The following CTTNBP2 variants were observed in gnomAD, a reference collection of about 807,000 sequenced individuals.
CTTNBP2 encodes cortactin binding protein 2, also known as cortactin-binding protein 2.
CTTNBP2 carries 108 observed loss-of-function variants against 156.9 expected under a neutral mutation model. That is an observed-to-expected ratio of 0.69 (90% CI 0.59 to 0.81). The LOEUF (loss-of-function observed/expected upper bound fraction) is 0.81, where lower values mean the gene tolerates loss of function less well. Ranked by LOEUF, CTTNBP2 falls within the 30% of genes least tolerant of loss-of-function variation. The pLI is 0.00. For synonymous variants in CTTNBP2, 767 were observed against 751.8 expected, an observed-to-expected ratio of 1.02 and a Z score of -0.33; for missense variants, 1,924 against 2,035.4, an observed-to-expected ratio of 0.95 and a Z score of 1.05.
At position 117,792,565 on chromosome 7, in the gene CTTNBP2, C is replaced by T. The variant is rs1459436677; in HGVS notation, c.631G>A (p.Glu211Lys). 1 of 1,614,170 alleles carries T rather than the reference C, an allele frequency of 6.2e-7. No individual in the cohort carries two copies. Among genetic ancestry groups the T allele is most frequent in the Admixed American group, 1.7e-5 (1 of 60,016 alleles). ...EEKKKTNELE[E>K]ELSAEKRRST... ...CTTCGTTTCTCAGCGGAGAGTTCCT[C>T]TTCTAATTCATTCGTCTTTTTCTTT... Residue 211 changes from glutamate to lysine, a missense_variant, in exon 4 of 23, where the codon GAG becomes AAG. Physicochemically the swap from Glu to Lys is moderately conservative, Grantham distance 56 (BLOSUM62 1). Coordinates refer to ENST00000160373, the MANE Select transcript of CTTNBP2 (RefSeq NM_033427.3). The surrounding 1 kb of genome is among the most constrained non-coding windows in gnomAD (Gnocchi z 4.2).
intron 18 of CTTNBP2, 122 bp from the exon 19 acceptor site, chr7:117,724,854 G>T (rs1400214041): frequency 2.4e-6 from 3 of 1,246,118 alleles, no homozygotes; most frequent in Non-Finnish European, 3.3e-6. Flanking sequence ...CCAAGCTGGG[G>T]TTTTGTGAAC....
chr7:117,858,819 A>T (rs1207686457), intron 2 of CTTNBP2, among the ~76,000 whole-genome samples: 1 of 152,156 alleles, frequency 6.6e-6, no homozygotes, highest in Non-Finnish European at 1.5e-5. Context: ...CCAGGGATTC[A>T]ACTCCTGTGT....
intron 2 of CTTNBP2, among the ~76,000 whole-genome samples, chr7:117,848,337 T>C (rs1196942126): frequency 1.3e-5 from 2 of 152,048 alleles, no homozygotes; most frequent in Non-Finnish European, 2.9e-5. Flanking sequence ...TGCCCACGCC[T>C]CACCACCCCA....
In CTTNBP2 at chr7:117,725,209, T is replaced by A; in HGVS notation, c.4104A>T (p.Glu1368Asp). The change falls in exon 18 of 23, where the codon GAA becomes GAT. Residue 1368 changes from glutamate to aspartate, a missense_variant. By Grantham distance (45) the Glu-to-Asp change is conservative. Coordinates refer to ENST00000160373, the MANE Select transcript of CTTNBP2 (RefSeq NM_033427.3). Reference sequence around the variant, plus strand: ...TCACAGAGGCTCTTGACAATATTGCTTCTTGAACTCTGGGTGCGATGACGC... The same window carrying A: ...TCACAGAGGCTCTTGACAATATTGCATCTTGAACTCTGGGTGCGATGACGC... Reference protein sequence around the residue: ...WNGVIAPRVQEAILSRASVKR... With the variant: ...WNGVIAPRVQDAILSRASVKR... 1.2e-6 allele frequency: 2 copies of A among 1,614,102 alleles called. No individual in the cohort carries two copies. The highest frequency in any genetic ancestry group is 1.7e-6 in the Non-Finnish European group (2 of 1,180,012).
intron 8 of CTTNBP2, among the ~76,000 whole-genome samples, chr7:117,774,054 T>A (rs1013788063): frequency 9.2e-5 from 14 of 152,202 alleles, no homozygotes; most frequent in African/African-American, 3.1e-4. Context: ...TGTCAATGGT[T>A]TCATGACAGA....
At chr7:117,857,912 C>T (rs745435814) in intron 2 of CTTNBP2, among the ~76,000 whole-genome samples, 5 of 152,202 alleles carry the variant, frequency 3.3e-5, no homozygotes, top group Non-Finnish European at 7.3e-5. Context: ...AGATGACATA[C>T]TGTGACCAGT....
At chr7:117,847,872 G>A (rs913587121) in intron 2 of CTTNBP2, among the ~76,000 whole-genome samples, 1 of 138,688 alleles carries the variant, frequency 7.2e-6, no homozygotes, top group Admixed American at 7.7e-5. Flanking sequence ...TTGCCGGAGG[G>A]CAGTGGTGTA....
chr7:117,756,449 A>G (rs1796887500), intron 12 of CTTNBP2, 106 bp downstream of exon 12: 2 of 826,136 alleles, frequency 2.4e-6, no homozygotes, highest in Non-Finnish European at 4.2e-6. Context: ...GTCAGAGCAC[A>G]GGGTGGGGGG....
chr7:117,792,351 G>A lies in CTTNBP2; in HGVS notation c.845C>T (p.Pro282Leu), dbSNP rs1312862305. Residue 282 changes from proline to leucine, a missense_variant, in exon 4 of 23, where the codon CCA becomes CTA. Transcript: ENST00000160373. This position sits in a 1 kb window ranked among gnomAD's most constrained non-coding sequence, Gnocchi z 4.2. Reference sequence around the variant, plus strand: ...CAAACGCCTATCTTTTGTCTTCCGTGGAAGAGAGAGGCTTGGTTTGCTGTC... The same window carrying A: ...CAAACGCCTATCTTTTGTCTTCCGTAGAAGAGAGAGGCTTGGTTTGCTGTC... The part of the protein sequence containing the change: ...GSDSKPSLSL[P>L]RKTKDRRLVS... The A allele has an allele frequency of 1.9e-6, 3 of 1,614,154 alleles. No individual in the cohort carries two copies. Among genetic ancestry groups the A allele is most frequent in the Non-Finnish European group, 2.5e-6 (3 of 1,180,032 alleles).
chr7:117,790,391 T>C (rs1188910256), intron 4 of CTTNBP2, among the ~76,000 whole-genome samples: 1 of 152,054 alleles, frequency 6.6e-6, no homozygotes, highest in Non-Finnish European at 1.5e-5. Flanking sequence ...AAGGGAAAAA[T>C]CCACCTCTTC....
chr7:117,778,660 G>C (rs1798242098), intron 7 of CTTNBP2, among the ~76,000 whole-genome samples: 1 of 152,076 alleles, frequency 6.6e-6, no homozygotes, highest in African/African-American at 2.4e-5. Flanking sequence ...ATACACTAAA[G>C]TTTGACAAGC....
intron 3 of CTTNBP2, among the ~76,000 whole-genome samples, chr7:117,797,720 A>T (rs1265506365): frequency 1.3e-5 from 2 of 151,296 alleles, no homozygotes; most frequent in African/African-American, 4.9e-5. Flanking sequence ...AATAATAATT[A>T]ATTTGAAAAT....
intron 2 of CTTNBP2, among the ~76,000 whole-genome samples, chr7:117,824,592 T>C (rs1801168175): frequency 6.6e-6 from 1 of 152,232 alleles, no homozygotes; most frequent in African/African-American, 2.4e-5. Context: ...TGATGCTCAT[T>C]TTAAAAATAA....
At position 117,711,340 on chromosome 7, in the gene CTTNBP2, C is replaced by A; in HGVS notation, c.*197G>T. On this transcript the variant is annotated 3_prime_UTR_variant, in exon 23 of 23. Coordinates refer to ENST00000160373, the MANE Select transcript of CTTNBP2 (RefSeq NM_033427.3). Reference sequence around the variant, plus strand: ...AACTTCCTGGTATTGAAGTTCAATCCTACAGAATTAAAAAAAAAAGCAACA... The same window carrying A: ...AACTTCCTGGTATTGAAGTTCAATCATACAGAATTAAAAAAAAAAGCAACA... 7 of 543,864 alleles carry A rather than the reference C, an allele frequency of 1.3e-5. No individual in the cohort carries two copies. Among genetic ancestry groups the A allele is most frequent in the South Asian group, 5.6e-5 (2 of 35,724 alleles). The allele number at this position is 543,864 out of a possible 1,614,324, so 33.7% of individuals were successfully genotyped here. A position where few individuals can be genotyped will look rare whatever the true frequency, so the allele number is the denominator to read the frequency against.
rs1456819036 is a variant in CTTNBP2, at chr7:117,711,754, G to GT, written c.4774dup (p.Thr1592AsnfsTer3). The GT allele has an allele frequency of 6.2e-7, 1 of 1,613,536 alleles. No individual in the cohort carries two copies. The highest frequency in any genetic ancestry group is 8.5e-7 in the Non-Finnish European group (1 of 1,179,688). Reference sequence around the variant, plus strand: ...TGATTTACTGTTGCTGCATTCAGTAGTTTGATGGCTGCTGAGAGGACTGAC... The same window carrying GT: ...TGATTTACTGTTGCTGCATTCAGTAGTTTTGATGGCTGCTGAGAGGACTGAC... On this transcript the variant is annotated frameshift_variant, in exon 23 of 23. Coordinates refer to ENST00000160373, the MANE Select transcript of CTTNBP2 (RefSeq NM_033427.3). LOFTEE classifies it high-confidence loss of function.
At chr7:117,810,236 T>G (rs990481683) in intron 3 of CTTNBP2, among the ~76,000 whole-genome samples, 12 of 152,206 alleles carry the variant, frequency 7.9e-5, no homozygotes, top group African/African-American at 2.7e-4. Context: ...ACCAGGACTT[T>G]AAGATGACAC....
intron 2 of CTTNBP2, among the ~76,000 whole-genome samples, chr7:117,821,646 T>A (rs1259232971): frequency 6.7e-6 from 1 of 150,312 alleles, no homozygotes; most frequent in African/African-American, 2.5e-5. Context: ...TGGAGTGCAG[T>A]GGTGCAATCT....
chr7:117,792,017 A>G lies in CTTNBP2; in HGVS notation c.1179T>C (p.Asp393=). 10 of 1,614,006 alleles carry G rather than the reference A, an allele frequency of 6.2e-6. No individual in the cohort carries two copies. The highest frequency in any genetic ancestry group is 8.5e-6 in the Non-Finnish European group (10 of 1,180,002). The change falls in exon 4 of 23, where the codon GAT becomes GAC. Residue 393 remains aspartate, a synonymous_variant. Transcript: ENST00000160373. This position sits in a 1 kb window ranked among gnomAD's most constrained non-coding sequence, Gnocchi z 4.2. ...ENGPSTGSTP[D]PTSSTPPLPS... ...GAAGTGGGGGTGTGCTACTGGTTGG[A>G]TCTGGTGTTGAGCCAGTGCTTGGTC...
intron 2 of CTTNBP2, among the ~76,000 whole-genome samples, chr7:117,825,360 T>A (rs1416954972): frequency 2.0e-5 from 3 of 152,238 alleles, no homozygotes; most frequent in Admixed American, 2.0e-4. Context: ...GTTGCAATGC[T>A]GCTTTCTGGT....
Sources: allele counts gnomAD v4.1 joint callset (sites outside exome capture counted in the v4.1 genomes callset), GRCh38; gene constraint gnomAD v4.1.1; non-coding constraint Gnocchi (gnomAD v3.1); transcripts MANE v1.5; gene names NCBI Gene and HGNC (gene_info 2026-07-23, HGNC 2026-07-21).